Variants in ADGRE5 observed in about 807,000 individuals in gnomAD.
ADGRE5 encodes the protein CD97 molecule.
Under a neutral mutation model 100.3 loss-of-function variants are expected in ADGRE5, and 72 were observed. That is an observed-to-expected ratio of 0.72 (90% confidence interval 0.59 to 0.87). The LOEUF (loss-of-function observed/expected upper bound fraction) is 0.87, where lower values mean the gene tolerates loss of function less well. ADGRE5 is among the 40% of genes least tolerant of loss of function. The pLI, the probability that ADGRE5 is intolerant of heterozygous loss-of-function variation, is 0.00. For synonymous variants in ADGRE5, 439 were observed against 447.8 expected (o/e 0.98, Z 0.25); for missense variants, 959 against 1,094.7 (o/e 0.88, Z 1.75).
chr19:14,408,115 C>T lies in ADGRE5; in HGVS notation c.2502C>T (p.Gly834=), dbSNP rs1223577831. 1 of 1,613,150 alleles carries T rather than the reference C, an allele frequency of 6.2e-7. No homozygotes were observed. The highest frequency in any genetic ancestry group is 1.3e-5 in the African/African-American group (1 of 74,910). ...QTRALRASES[G]I is the part of the protein sequence containing the mutation. ...AGGCCCTCAGGGCATCAGAGTCCGG[C>T]ATATGAAGGCGCATGGTTCTGGACG... is the stretch of plus-strand genomic sequence containing the variant. Residue 834 remains glycine (G), a synonymous_variant, in exon 20 of 20, where the codon GGC becomes GGT. Coordinates refer to ENST00000242786, the MANE Select transcript of ADGRE5 (RefSeq NM_078481.4).
Position 14,408,479 on chromosome 19 carries a change from T to C in ADGRE5, c.*358T>C. On this transcript the variant is annotated 3_prime_UTR_variant, in exon 20 of 20. Transcript: ENST00000242786. ...ATCCTGGACTTTTCCTCTCATGTCT[T>C]TGCTGCAGAACTGAAGAGACTAGGC... 3.9e-6 allele frequency: 2 copies of C among 506,478 alleles called. No individual in the cohort carries two copies. Among genetic ancestry groups the C allele is most frequent in the Non-Finnish European group, 7.2e-6 (2 of 279,432 alleles). 31.4% of individuals were successfully genotyped at this position (506,478 alleles called of 1,614,324 possible).
chr19:14,405,446 G>T (rs1426341642), intron 13 of ADGRE5: 2 of 339,458 alleles, frequency 5.9e-6, no homozygotes, highest in Non-Finnish European at 1.1e-5. Context: ...ACCCAGCCTG[G>T]AGCACCACTT....
intron 4 of ADGRE5, among the ~76,000 whole-genome samples, chr19:14,394,351 C>T (rs1314719579): frequency 6.6e-6 from 1 of 152,108 alleles, no homozygotes; most frequent in East Asian, 1.9e-4. Context: ...AGGACACGTG[C>T]ACCCAGTGTC....
chr19:14,406,436 C>A lies in ADGRE5; in HGVS notation c.1927C>A (p.Arg643Ser). Residue 643 changes from arginine to serine, a missense_variant, in exon 15 of 20, where the codon CGC becomes AGC. Around this residue, in one of 6 missense-constraint regions of ADGRE5, gnomAD observed 428 missense variants for 386.2 expected, o/e 1.11. Coordinates refer to ENST00000242786, the MANE Select transcript of ADGRE5 (RefSeq NM_078481.4). This position sits in a 1 kb window ranked among gnomAD's most constrained non-coding sequence, Gnocchi z 6.0. ...CCTGGAGCTCTACTTTCTTGTGGTG[C>A]GCGTGTTCCAAGGCCAGGGCCTGAG... ...EGLELYFLVVRVFQGQGLSTR... is the reference protein window; with the variant it reads ...EGLELYFLVVSVFQGQGLSTR... The A allele has an allele frequency of 6.3e-7, 1 of 1,586,502 alleles. No homozygotes were observed. Among genetic ancestry groups the A allele is most frequent in the Non-Finnish European group, 8.6e-7 (1 of 1,166,742 alleles).
chr19:14,382,155 CG>C (rs1190295640), intron 1 of ADGRE5, among the ~76,000 whole-genome samples: 19 of 152,142 alleles, frequency 1.2e-4, no homozygotes, highest in African/African-American at 4.6e-4. Context: ...GTGACTGTAA[CG>C]GTTATCAGGG....
intron 1 of ADGRE5, among the ~76,000 whole-genome samples, chr19:14,384,759 C>T (rs1975275355): frequency 6.6e-6 from 1 of 151,806 alleles, no homozygotes; most frequent in African/African-American, 2.4e-5. Flanking sequence ...TTATGGGCCC[C>T]TTGTTTCTCT....
chr19:14,396,266 G>A, intron 4 of ADGRE5, 76 bp from the exon 5 acceptor site: 1 of 1,612,722 alleles, frequency 6.2e-7, no homozygotes, highest in South Asian at 1.1e-5. Context: ...TTCCGTGCCA[G>A]GAAACATGGC....
At chr19:14,388,176 T>G (rs1398628395) in intron 1 of ADGRE5, among the ~76,000 whole-genome samples, 1 of 151,466 alleles carries the variant, frequency 6.6e-6, no homozygotes, top group Admixed American at 6.6e-5. Flanking sequence ...TGCAGTGAGA[T>G]ATGATTGCAC....
At position 14,402,814 on chromosome 19, in the gene ADGRE5, C is replaced by T; in HGVS notation, c.1401C>T (p.Ser467=). The part of the protein sequence containing the change: ...ELNSPILFAF[S]HLESSDGEAG... ...ACTCCCCCATCCTTTTCGCCTTCTC[C>T]CACCTTGAGTCCTCCGATGGGGAGG... is the stretch of plus-strand genomic sequence containing the variant. The change falls in exon 12 of 20, where the codon TCC becomes TCT. Residue 467 remains serine (S), a synonymous_variant. Coordinates refer to ENST00000242786, the MANE Select transcript of ADGRE5 (RefSeq NM_078481.4). 1 of 1,614,064 alleles carries T rather than the reference C, an allele frequency of 6.2e-7. No homozygotes were observed. The highest frequency in any genetic ancestry group is 8.5e-7 in the Non-Finnish European group (1 of 1,180,020).
chr19:14,403,288 C>T (rs748522647), intron 12 of ADGRE5, among the ~76,000 whole-genome samples: 15 of 152,154 alleles, frequency 9.9e-5, no homozygotes, highest in South Asian at 6.2e-4. Context: ...GTGATCTGCC[C>T]GCCTTGGCCT....
rs372467792 is a variant in ADGRE5, at chr19:14,391,131, C to A, written c.346+52C>A. ...TTTCCATCCATGAGGTTTGGGGTCA[C>A]CAGAGCCATTCTGGCAGCATCCAGA... is the stretch of plus-strand genomic sequence containing the variant. On this transcript the variant is annotated intron_variant, in intron 4 of 19. Transcript: ENST00000242786. 1.5e-5 allele frequency: 24 copies of A among 1,608,476 alleles called. No homozygotes were observed. The African/African-American group carries it at 3.2e-4, about 22-fold the overall frequency.
At chr19:14,382,181 A>G (rs1975182474) in intron 1 of ADGRE5, among the ~76,000 whole-genome samples, 1 of 152,212 alleles carries the variant, frequency 6.6e-6, no homozygotes, top group Non-Finnish European at 1.5e-5. Flanking sequence ...TCGTTGCCTA[A>G]GCAACGGGGC....
At chr19:14,398,472 AT>A in intron 9 of ADGRE5, 1 of 276,368 alleles carries the variant, frequency 3.6e-6, no homozygotes, top group South Asian at 4.0e-5. Context: ...GATCGAGACC[AT>A]TCTGGCTAAC....
At position 14,408,351 on chromosome 19, in the gene ADGRE5, T is replaced by G. The variant is rs138240261; in HGVS notation, c.*230T>G. ...CTGCTGGCTGCCTCTCTGCTCCACC[T>G]TGTGACCCAGGGTGGGGACAGGGGC... is the stretch of plus-strand genomic sequence containing the variant. On this transcript the variant is annotated 3_prime_UTR_variant, in exon 20 of 20. Transcript: ENST00000242786. The G allele has an allele frequency of 2.7e-4, 170 of 623,252 alleles. No individual in the cohort carries two copies. In the African/African-American group the frequency reaches 2.8e-3, roughly 10 times the overall value. 38.6% of individuals were successfully genotyped at this position (623,252 alleles called of 1,614,324 possible).
intron 13 of ADGRE5, chr19:14,404,903 A>G (rs1398981905): frequency 7.2e-6 from 2 of 276,810 alleles, no homozygotes; most frequent in East Asian, 1.1e-4. Context: ...TCTGTCGCCC[A>G]GGTTGGAGTA....
intron 9 of ADGRE5, among the ~76,000 whole-genome samples, chr19:14,400,093 C>T (rs957688487): frequency 6.6e-6 from 1 of 151,946 alleles, no homozygotes; most frequent in East Asian, 1.9e-4. Flanking sequence ...GATCTCGGCT[C>T]ACTGCAAGCT....
chr19:14,405,696 C>T, intron 13 of ADGRE5, 52 bp from the exon 14 acceptor site: 1 of 1,373,820 alleles, frequency 7.3e-7, no homozygotes, highest in Non-Finnish European at 1.0e-6. Flanking sequence ...ACAAAGAGGG[C>T]AGGAAGGCCT....
intron 13 of ADGRE5, chr19:14,404,766 G>A (rs139539813): frequency 9.2e-6 from 5 of 542,010 alleles, no homozygotes; most frequent in African/African-American, 7.9e-5. Flanking sequence ...ACTGGGTGCA[G>A]CCACTAGCTC....
At position 14,401,658 on chromosome 19, in the gene ADGRE5, A is replaced by G. The variant is rs1269267600; in HGVS notation, c.1081A>G (p.Thr361Ala). 5 of 1,598,024 alleles carry G rather than the reference A, an allele frequency of 3.1e-6. No individual in the cohort carries two copies. In the East Asian group the frequency reaches 6.7e-5, roughly 21 times the overall value. The change falls in exon 11 of 20, where the codon ACC (threonine) becomes GCC (alanine). Residue 361 changes from threonine to alanine, a missense_variant. Thr to Ala is a moderately conservative substitution (Grantham distance 58). This residue lies in a region of ADGRE5 where 246 missense variants were observed against 242.2 expected (regional missense o/e 1.02). Coordinates refer to ENST00000242786, the MANE Select transcript of ADGRE5 (RefSeq NM_078481.4). The surrounding 1 kb of genome is among the most constrained non-coding windows in gnomAD (Gnocchi z 4.1). ...AACTGCCCCTCTCCCCTCAGAGCTG[A>G]CCCTGATGATCCAGGAGCGGGGGGA... ...TYISPSNTEL[T>A]LMIQERGDKN...
Sources: gnomAD v4.1 joint callset for allele counts (sites outside exome capture counted in the v4.1 genomes callset) on GRCh38, gnomAD v4.1.1 for gene constraint, gnomAD v4.1.1 regional missense constraint, Gnocchi (gnomAD v3.1) non-coding constraint, MANE v1.5 for transcripts, NCBI Gene and HGNC (gene_info 2026-07-23, HGNC 2026-07-21) for gene names.